ATP9B: variants seen among roughly 807,000 people sequenced by gnomAD.
The protein encoded by ATP9B is ATPase phospholipid transporting 9B, also known as probable phospholipid-transporting ATPase IIB.
ATP9B carries 110 observed loss-of-function variants against 146.1 expected under a neutral mutation model. The observed-to-expected ratio is 0.75, with a 90% CI of 0.65 to 0.88. ATP9B has a LOEUF of 0.88. ATP9B is among the 40% of genes least tolerant of loss of function. The pLI, the probability that ATP9B is intolerant of heterozygous loss-of-function variation, is 0.00. For synonymous variants in ATP9B, 604 were observed against 569.7 expected (o/e 1.06, Z -0.86); for missense variants, 1,499 against 1,496.4 (o/e 1.00, Z -0.03).
At position 79,304,487 on chromosome 18, in the gene ATP9B, A is replaced by G. The variant is rs201972416; in HGVS notation, c.1524+771A>G. On this transcript the variant is annotated intron_variant, in intron 14 of 29. Transcript: ENST00000426216. Reference sequence around the variant, plus strand: ...TATCTGAACATCCCTTTGAGCATCAATGGCGTTCAAAAAGCTTCAAGTTTT... The same window carrying G: ...TATCTGAACATCCCTTTGAGCATCAGTGGCGTTCAAAAAGCTTCAAGTTTT... Among the ~76,000 whole-genome samples the G allele has an allele frequency of 1.6e-4, 25 of 152,344 alleles. No individual in the cohort carries two copies. The South Asian group carries it at 2.9e-3, about 18-fold the overall frequency.
intron 5 of ATP9B, among the ~76,000 whole-genome samples, chr18:79,139,098 G>A (rs1303222659): frequency 6.6e-6 from 1 of 152,160 alleles, no homozygotes; most frequent in Non-Finnish European, 1.5e-5. Flanking sequence ...CATACCTTGT[G>A]TGTGTGTGTT....
chr18:79,229,232 C>G (rs1048505548), intron 11 of ATP9B, among the ~76,000 whole-genome samples: 6 of 152,178 alleles, frequency 3.9e-5, no homozygotes, highest in Non-Finnish European at 7.3e-5. Context: ...TGGGCACTCT[C>G]CCACCCCAAC....
intron 4 of ATP9B, among the ~76,000 whole-genome samples, chr18:79,120,492 C>T (rs1422960215): frequency 1.3e-5 from 2 of 152,052 alleles, no homozygotes; most frequent in African/African-American, 4.8e-5. Flanking sequence ...AGCTTTAGGT[C>T]TGAACTAATT....
At chr18:79,166,043 T>TAGA (rs2094959570) in intron 7 of ATP9B, among the ~76,000 whole-genome samples, 1 of 152,258 alleles carries the variant, frequency 6.6e-6, no homozygotes, top group Non-Finnish European at 1.5e-5. Flanking sequence ...TAGAGCTGGC[T>TAGA]GCTGTCCTGT....
chr18:79,140,747 T>C (rs1365895701), intron 5 of ATP9B, among the ~76,000 whole-genome samples: 1 of 152,140 alleles, frequency 6.6e-6, no homozygotes, highest in Non-Finnish European at 1.5e-5. Context: ...ACCACTGCAC[T>C]CCAGCCTGGG....
chr18:79,372,218 C>T (rs1470782090), intron 26 of ATP9B, among the ~76,000 whole-genome samples: 3 of 144,548 alleles, frequency 2.1e-5, no homozygotes, highest in Non-Finnish European at 4.6e-5. Context: ...CCTGCCCCCT[C>T]GTCCCCTGCC....
chr18:79,170,318 C>A (rs2095051308), intron 7 of ATP9B, among the ~76,000 whole-genome samples: 1 of 152,190 alleles, frequency 6.6e-6, no homozygotes, highest in Non-Finnish European at 1.5e-5. Context: ...GGGGAACTCT[C>A]CTAGAATGGC....
chr18:79,214,388 AAAAT>A (rs1226033933), intron 11 of ATP9B, among the ~76,000 whole-genome samples: 28 of 152,326 alleles, frequency 1.8e-4, no homozygotes, highest in South Asian at 4.1e-4. Context: ...GGTTCATTTT[AAAAT>A]AAAGCAATCT....
chr18:79,240,694 C>T (rs1480622482), intron 11 of ATP9B, among the ~76,000 whole-genome samples: 2 of 152,170 alleles, frequency 1.3e-5, no homozygotes, highest in Non-Finnish European at 2.9e-5. Flanking sequence ...GCGGTGAAGC[C>T]GAGATCGTGC....
intron 11 of ATP9B, among the ~76,000 whole-genome samples, chr18:79,251,685 C>T (rs2096025223): frequency 6.6e-6 from 1 of 152,146 alleles, no homozygotes; most frequent in South Asian, 2.1e-4. Flanking sequence ...TTAATCAAAA[C>T]CAGATATAAA....
intron 9 of ATP9B, among the ~76,000 whole-genome samples, chr18:79,201,330 G>T (rs530134314): frequency 1.5e-4 from 23 of 152,278 alleles, no homozygotes; most frequent in African/African-American, 5.3e-4. Context: ...ATGGAATTCA[G>T]TTAAATTCAA....
intron 14 of ATP9B, among the ~76,000 whole-genome samples, chr18:79,304,818 G>A (rs2096611756): frequency 6.6e-6 from 1 of 152,224 alleles, no homozygotes; most frequent in African/African-American, 2.4e-5. Context: ...AGATCTGAGA[G>A]AATCAATTTA....
chr18:79,289,366 C>G (rs2096478363), intron 13 of ATP9B, among the ~76,000 whole-genome samples: 1 of 152,170 alleles, frequency 6.6e-6, no homozygotes, highest in African/African-American at 2.4e-5. Context: ...TCATTCATTT[C>G]ATCTTCCATC....
chr18:79,181,516 A>C (rs1308747034), intron 8 of ATP9B, among the ~76,000 whole-genome samples: 6 of 152,216 alleles, frequency 3.9e-5, no homozygotes, highest in Non-Finnish European at 8.8e-5. Flanking sequence ...ATTAAAAAAG[A>C]GTAAGAACTT....
At chr18:79,248,614 G>T (rs555245353) in intron 11 of ATP9B, among the ~76,000 whole-genome samples, 27 of 152,316 alleles carry the variant, frequency 1.8e-4, no homozygotes, top group African/African-American at 6.3e-4. Context: ...CATGTACAAA[G>T]CTGTTCTTCT....
chr18:79,168,081 C>G (rs1417260943), intron 7 of ATP9B, among the ~76,000 whole-genome samples: 1 of 152,232 alleles, frequency 6.6e-6, no homozygotes, highest in African/African-American at 2.4e-5. Context: ...GAGCATGCAG[C>G]CCTAGGCACA....
chr18:79,348,248 G>GA lies in ATP9B; in HGVS notation c.2903+73dup, dbSNP rs56654324. ...TCATCCAGGGGAGGACTTCTATTTTGAAAAAAAAAAAAAAAAAAAAACAAA... is the reference window on the plus strand; with the variant it reads ...TCATCCAGGGGAGGACTTCTATTTTGAAAAAAAAAAAAAAAAAAAAAACAAA... On this transcript the variant is annotated intron_variant, in intron 25 of 29. Transcript: ENST00000426216. 1,298 of 826,702 alleles carry GA rather than the reference G, an allele frequency of 1.6e-3. 4 individuals carry two copies. The highest frequency in any genetic ancestry group is 2.6e-3 in the South Asian group (172 of 65,098). The allele number at this position is 826,702 out of a possible 1,614,324, so 51.2% of individuals were successfully genotyped here. A position where few individuals can be genotyped will look rare whatever the true frequency, so the allele number is the denominator to read the frequency against.
intron 4 of ATP9B, among the ~76,000 whole-genome samples, chr18:79,118,478 G>A (rs2094132674): frequency 7.7e-6 from 1 of 130,436 alleles, no homozygotes; most frequent in East Asian, 2.4e-4. Context: ...TCGGCTCACT[G>A]CAAGCTCCGC....
chr18:79,167,649 AG>A (rs2094993398), intron 7 of ATP9B, among the ~76,000 whole-genome samples: 2 of 152,138 alleles, frequency 1.3e-5, no homozygotes, highest in Admixed American at 1.3e-4. Context: ...TGAACTTAGA[AG>A]GGAGGAAGCG....
Sources: gnomAD v4.1 joint callset for allele counts (sites outside exome capture counted in the v4.1 genomes callset) on GRCh38, gnomAD v4.1.1 for gene constraint, MANE v1.5 for transcripts, NCBI Gene and HGNC (gene_info 2026-07-23, HGNC 2026-07-21) for gene names.